NRG3: variants seen among roughly 807,000 people sequenced by gnomAD.
NRG3 encodes pro-neuregulin-3, membrane-bound isoform.
A neutral mutation model predicts 66.9 loss-of-function variants in NRG3; 31 were observed. The observed-to-expected ratio is 0.46, with a 90% CI of 0.35 to 0.63. The LOEUF (loss-of-function observed/expected upper bound fraction) is 0.63. Among genes scored for constraint, NRG3 ranks in the 20% least tolerant of loss-of-function variants. The pLI, the probability that NRG3 is intolerant of heterozygous loss-of-function variation, is 0.00. For synonymous variants in NRG3, 393 were observed against 359.4 expected (o/e 1.09, Z -1.06); for missense variants, 910 against 878.9 (o/e 1.04, Z -0.45).
Position 82,244,955 on chromosome 10 carries a change from A to G in NRG3, c.824-113784A>G, listed in dbSNP as rs956736716. 3.3e-5 allele frequency among the ~76,000 whole-genome samples: 5 copies of G among 152,100 alleles called. No homozygotes were observed. In the South Asian group the frequency reaches 1.0e-3, roughly 32 times the overall value. On this transcript the variant is annotated intron_variant, in intron 1 of 8. Coordinates refer to ENST00000372141, the MANE Select transcript of NRG3 (RefSeq NM_001010848.4). ...CACCTTGTTGCCCAGGCTGGTCTCA[A>G]ACTCCTGAGCTCAATCTGCCCTCCT...
intron 3 of NRG3, among the ~76,000 whole-genome samples, chr10:82,856,005 G>A (rs1002660132): frequency 6.6e-6 from 1 of 152,186 alleles, no homozygotes; most frequent in East Asian, 1.9e-4. Flanking sequence ...AGATTCAAGT[G>A]AGTAGAATTG....
At chr10:82,541,321 G>A (rs1021521815) in intron 2 of NRG3, among the ~76,000 whole-genome samples, 3 of 152,204 alleles carry the variant, frequency 2.0e-5, no homozygotes, top group East Asian at 1.9e-4. Context: ...GTAGCAGGAC[G>A]ATCCACAGAC....
chr10:82,215,510 A>ATG (rs1395617452), intron 1 of NRG3, among the ~76,000 whole-genome samples: 2 of 152,068 alleles, frequency 1.3e-5, no homozygotes, highest in Non-Finnish European at 2.9e-5. Context: ...TGGTGTGTAT[A>ATG]TGTGTGTGTG....
At chr10:82,213,057 C>T (rs908155185) in intron 1 of NRG3, among the ~76,000 whole-genome samples, 1 of 151,858 alleles carries the variant, frequency 6.6e-6, no homozygotes, top group African/African-American at 2.4e-5. Flanking sequence ...TCAAGTCAGA[C>T]CAGCTTCCAA....
intron 2 of NRG3, among the ~76,000 whole-genome samples, chr10:82,391,449 C>T (rs2086358469): frequency 6.6e-6 from 1 of 152,186 alleles, no homozygotes; most frequent in Non-Finnish European, 1.5e-5. Flanking sequence ...GTCAGCTCTG[C>T]ACCTGGCCAC....
At chr10:82,826,530 G>A (rs1480244544) in intron 3 of NRG3, among the ~76,000 whole-genome samples, 4 of 152,332 alleles carry the variant, frequency 2.6e-5, no homozygotes, top group African/African-American at 9.6e-5. Context: ...TCAGTGGTGG[G>A]CTGGATGAAG....
intron 2 of NRG3, among the ~76,000 whole-genome samples, chr10:82,545,783 C>CTTTTTTTTTTTTTT (rs1002975772): frequency 1.1e-5 from 1 of 91,436 alleles, no homozygotes; most frequent in Non-Finnish European, 2.0e-5. Context: ...AATATCAACT[C>CTTTTTTTTTTTTTT]TTTTTTTTTT....
intron 2 of NRG3, among the ~76,000 whole-genome samples, chr10:82,582,697 TG>T (rs1346344319): frequency 1.3e-5 from 2 of 151,572 alleles, no homozygotes; most frequent in African/African-American, 4.9e-5. Context: ...TGTGTGTGTG[TG>T]TTTTATACAC....
intron 2 of NRG3, among the ~76,000 whole-genome samples, chr10:82,389,944 T>G (rs999687825): frequency 6.6e-6 from 1 of 152,184 alleles, no homozygotes; most frequent in African/African-American, 2.4e-5. Context: ...ACTTGGGCCA[T>G]TTATTGTACT....
At chr10:82,053,731 AT>A (rs374501961) in intron 1 of NRG3, among the ~76,000 whole-genome samples, 1 of 152,030 alleles carries the variant, frequency 6.6e-6, no homozygotes, top group Non-Finnish European at 1.5e-5. Context: ...TGAAATAAAC[AT>A]TTTTTTTGTA....
intron 3 of NRG3, among the ~76,000 whole-genome samples, chr10:82,825,133 C>T (rs1258979674): frequency 3.3e-5 from 5 of 152,182 alleles, no homozygotes; most frequent in African/African-American, 1.2e-4. Context: ...TCACTTTCTT[C>T]ATGGTGTTCT....
chr10:81,936,498 G>A lies in NRG3; in HGVS notation c.823+60335G>A, dbSNP rs533741546. 7.9e-5 allele frequency among the ~76,000 whole-genome samples: 12 copies of A among 152,124 alleles called. No individual in the cohort carries two copies. In the South Asian group the frequency reaches 2.3e-3, roughly 29 times the overall value. ...TGAAAGATGGATGGGAGGGAAGCAGGAAAGGGGTCAGGAAGTAGACAGTGT... is the reference window on the plus strand; with the variant it reads ...TGAAAGATGGATGGGAGGGAAGCAGAAAAGGGGTCAGGAAGTAGACAGTGT... On this transcript the variant is annotated intron_variant, in intron 1 of 8. Coordinates refer to ENST00000372141, the MANE Select transcript of NRG3 (RefSeq NM_001010848.4).
rs1370697317 is a variant in NRG3, at chr10:82,368,666, C to CCATG, written c.953+9801_953+9804dup. On this transcript the variant is annotated intron_variant, in intron 2 of 8. Transcript: ENST00000372141. ...GGATGGGACAGTCTGGAAGCTTCTC[C>CCATG]CATGCAGACAGAGCAGAGAGAGAAT... Among the ~76,000 whole-genome samples, 3 of 138,140 alleles carry CCATG rather than the reference C, an allele frequency of 2.2e-5. 1 individual carries two copies. Among genetic ancestry groups the CCATG allele is most frequent in the African/African-American group, 1.0e-4 (3 of 29,680 alleles). 90.6% of individuals were successfully genotyped at this position (138,140 alleles called of 152,430 possible). A position where few individuals can be genotyped will look rare whatever the true frequency, so the allele number is the denominator to read the frequency against.
At chr10:82,394,041 A>G (rs1263392275) in intron 2 of NRG3, among the ~76,000 whole-genome samples, 1 of 152,114 alleles carries the variant, frequency 6.6e-6, no homozygotes, top group East Asian at 1.9e-4. Context: ...TAGGCTGTGT[A>G]TTGCTATTTA....
At chr10:82,427,431 A>G (rs1310547659) in intron 2 of NRG3, among the ~76,000 whole-genome samples, 2 of 152,084 alleles carry the variant, frequency 1.3e-5, no homozygotes, top group African/African-American at 4.8e-5. Flanking sequence ...ACTATCATGG[A>G]GATTATAAGT....
At chr10:82,315,667 G>GT (rs754250306) in intron 1 of NRG3, among the ~76,000 whole-genome samples, 18,584 of 136,260 alleles carry the variant, frequency 0.14, 2,752 homozygotes, top group African/African-American at 0.36. Context: ...TACGTTTGTT[G>GT]TTTTTTTTTT....
rs80291586 is a variant in NRG3, at chr10:82,292,881, T to G, written c.824-65858T>G. ...GAAGTGAGGAAGCTTATAAGAGGGA[T>G]CCTTATGGTGAAGGAATATTCTGCA... On this transcript the variant is annotated intron_variant, in intron 1 of 8. Transcript: ENST00000372141. Among the ~76,000 whole-genome samples the G allele has an allele frequency of 1.4e-4, 22 of 152,246 alleles. No homozygotes were observed. The East Asian group carries it at 4.3e-3, about 29-fold the overall frequency.
At chr10:82,199,932 G>T (rs550679604) in intron 1 of NRG3, among the ~76,000 whole-genome samples, 32 of 149,952 alleles carry the variant, frequency 2.1e-4, no homozygotes, top group African/African-American at 7.1e-4. Context: ...CCAGGAAGTA[G>T]AATAAAGGAC....
intron 2 of NRG3, among the ~76,000 whole-genome samples, chr10:82,496,059 T>C (rs771108051): frequency 2.6e-5 from 4 of 152,222 alleles, no homozygotes; most frequent in Non-Finnish European, 4.4e-5. Flanking sequence ...ATATGGTCTC[T>C]CTGACAAGAT....
Sources: gnomAD v4.1 joint callset for allele counts (sites outside exome capture counted in the v4.1 genomes callset) on GRCh38, gnomAD v4.1.1 for gene constraint, MANE v1.5 for transcripts, NCBI Gene and HGNC (gene_info 2026-07-23, HGNC 2026-07-21) for gene names.